WWTR1: variants seen among roughly 807,000 people sequenced by gnomAD.
WWTR1 encodes WW domain containing transcription regulator 1.
WWTR1 carries 13 observed loss-of-function variants against 40.1 expected under a neutral mutation model. The observed-to-expected ratio is 0.32, with a 90% confidence interval of 0.21 to 0.52. The LOEUF is 0.52. Among genes scored for constraint, WWTR1 ranks in the 20% least tolerant of loss-of-function variants. The pLI, the probability that WWTR1 is intolerant of heterozygous loss-of-function variation, is 0.97. For missense variants in WWTR1, 436 were observed against 523.1 expected (o/e 0.83, Z 1.63); for synonymous variants, 230 against 210.1 (o/e 1.09, Z -0.82).
At chr3:149,719,942 C>A (rs1404806726) in intron 4 of WWTR1, among the ~76,000 whole-genome samples, 1 of 152,124 alleles carries the variant, frequency 6.6e-6, no homozygotes, top group Non-Finnish European at 1.5e-5. Flanking sequence ...CTATTCAAGT[C>A]CTTCACCCAT....
At chr3:149,681,711 G>A (rs1020896485) in intron 1 of WWTR1, among the ~76,000 whole-genome samples, 1 of 152,148 alleles carries the variant, frequency 6.6e-6, no homozygotes. Flanking sequence ...AAAATGTGGT[G>A]TATATACACA....
In WWTR1 at chr3:149,667,526, C is replaced by T. The variant is rs563005094; in HGVS notation, c.-4+2262G>A. On this transcript the variant is annotated intron_variant, in intron 2 of 7. Coordinates refer to the WWTR1 transcript ENST00000465804. Reference sequence around the variant, plus strand: ...TCGTGCCACTGCATTCCAGCCTGGGCGACAGAGCAAGACTCCATCTCAAAA... The same window carrying T: ...TCGTGCCACTGCATTCCAGCCTGGGTGACAGAGCAAGACTCCATCTCAAAA... 1.4e-4 allele frequency among the ~76,000 whole-genome samples: 20 copies of T among 145,676 alleles called. No homozygotes were observed. The East Asian group carries it at 3.0e-3, about 22-fold the overall frequency.
chr3:149,678,813 T>C (rs1019639761), intron 1 of WWTR1, among the ~76,000 whole-genome samples: 20 of 145,924 alleles, frequency 1.4e-4, no homozygotes, highest in East Asian at 4.3e-4. Flanking sequence ...TATTAACGTG[T>C]TCACAAGTAT....
At chr3:149,686,140 T>G (rs1714636764) in intron 1 of WWTR1, among the ~76,000 whole-genome samples, 1 of 152,198 alleles carries the variant, frequency 6.6e-6, no homozygotes, top group African/African-American at 2.4e-5. Flanking sequence ...GGTTACCAAG[T>G]AGAGCACCTT....
At chr3:149,575,341 C>A (rs1480757614) in intron 2 of WWTR1, among the ~76,000 whole-genome samples, 1 of 152,100 alleles carries the variant, frequency 6.6e-6, no homozygotes, top group Non-Finnish European at 1.5e-5. Flanking sequence ...TTAAGTAACT[C>A]CCTTTAGCAA....
At chr3:149,716,757 T>G (rs1302697551) in intron 5 of WWTR1, among the ~76,000 whole-genome samples, 1 of 152,158 alleles carries the variant, frequency 6.6e-6, no homozygotes, top group Non-Finnish European at 1.5e-5. Context: ...GCTACTTGGG[T>G]GGCTCTAAAT....
chr3:149,564,234 A>G (rs1737208628), intron 3 of WWTR1, among the ~76,000 whole-genome samples: 1 of 152,212 alleles, frequency 6.6e-6, no homozygotes, highest in Non-Finnish European at 1.5e-5. Context: ...AAACCACTGT[A>G]TTCTAAAAAT....
chr3:149,710,959 A>T (rs1715465435), intron 5 of WWTR1, among the ~76,000 whole-genome samples: 1 of 152,168 alleles, frequency 6.6e-6, no homozygotes, highest in African/African-American at 2.4e-5. Context: ...TGTAGTAAAG[A>T]GTAGAGCCAG....
intron 2 of WWTR1, among the ~76,000 whole-genome samples, chr3:149,603,557 C>A (rs181215513): frequency 2.0e-3 from 301 of 149,576 alleles, no homozygotes; most frequent in Middle Eastern, 0.014. Flanking sequence ...CCCACCCCCC[C>A]CTTGTACTCC....
chr3:149,660,745 C>T (rs778529389), upstream of WWTR1, among the ~76,000 whole-genome samples: 1 of 152,182 alleles, frequency 6.6e-6, no homozygotes, highest in Non-Finnish European at 1.5e-5. Context: ...TAACAGTACC[C>T]ACCCCACAGG....
chr3:149,665,779 T>A (rs926890010), intron 2 of WWTR1, among the ~76,000 whole-genome samples: 2 of 152,202 alleles, frequency 1.3e-5, no homozygotes, highest in Non-Finnish European at 1.5e-5. Flanking sequence ...AAAAACTATG[T>A]AGAAATAAAA....
chr3:149,583,736 C>CT (rs1354871230), intron 2 of WWTR1, among the ~76,000 whole-genome samples: 1 of 152,118 alleles, frequency 6.6e-6, no homozygotes, highest in Non-Finnish European at 1.5e-5. Context: ...GATGAATTCA[C>CT]GACACTTCAA....
In WWTR1 at chr3:149,552,336, T is replaced by G. The variant is rs1356289078; in HGVS notation, c.569-9799A>C. On this transcript the variant is annotated intron_variant, in intron 3 of 6. Transcript: ENST00000360632. ...ATTAAGGCACAGAGTAGGCACTAAA[T>G]ACATTCTCCCCAAAGTAAGGTTAAG... is the stretch of plus-strand genomic sequence containing the variant. Among the ~76,000 whole-genome samples the G allele has an allele frequency of 1.0e-4, 11 of 109,118 alleles. 1 individual carries two copies. Among genetic ancestry groups the G allele is most frequent in the East Asian group, 2.9e-4 (1 of 3,476 alleles). 71.6% of individuals were successfully genotyped at this position (109,118 alleles called of 152,430 possible).
At chr3:149,686,477 C>T (rs1358725131) in intron 1 of WWTR1, among the ~76,000 whole-genome samples, 1 of 152,080 alleles carries the variant, frequency 6.6e-6, no homozygotes, top group African/African-American at 2.4e-5. Flanking sequence ...CCAATGAATA[C>T]CTATGAATAG....
chr3:149,696,370 T>C (rs762431447), intron 1 of WWTR1, among the ~76,000 whole-genome samples: 2 of 152,292 alleles, frequency 1.3e-5, no homozygotes, highest in Non-Finnish European at 2.9e-5. Context: ...GCTTAATATA[T>C]GTGGGAACTA....
intron 3 of WWTR1, among the ~76,000 whole-genome samples, chr3:149,556,796 A>G (rs1412450952): frequency 6.6e-6 from 1 of 152,172 alleles, no homozygotes; most frequent in African/African-American, 2.4e-5. Flanking sequence ...AAAACAAAAT[A>G]AAAGCCTGTA....
intron 4 of WWTR1, chr3:149,541,127 G>T: frequency 2.3e-6 from 1 of 434,712 alleles, no homozygotes; most frequent in South Asian, 1.6e-5. Context: ...CTTGCTTCAT[G>T]TGAGTCACAA....
At chr3:149,540,101 C>T (rs1277197676) in intron 4 of WWTR1, 8 of 428,122 alleles carry the variant, frequency 1.9e-5, no homozygotes. Flanking sequence ...CACACACACA[C>T]ACACACACAC....
intron 1 of WWTR1, among the ~76,000 whole-genome samples, chr3:149,672,925 G>C (rs1439294991): frequency 6.6e-6 from 1 of 151,886 alleles, no homozygotes; most frequent in Admixed American, 6.6e-5. Flanking sequence ...TGGGACTACA[G>C]GCGCATGCTA....
Sources: allele counts gnomAD v4.1 joint callset (sites outside exome capture counted in the v4.1 genomes callset), GRCh38; gene constraint gnomAD v4.1.1; transcripts MANE v1.5; gene names NCBI Gene and HGNC (gene_info 2026-07-23, HGNC 2026-07-21).